The following RPS6KC1 variants were observed in gnomAD, a reference collection of about 807,000 sequenced individuals.
The protein encoded by RPS6KC1 is ribosomal protein S6 kinase C1, also known as inactive ribosomal protein S6 kinase delta-1.
In RPS6KC1, 54 loss-of-function variants were observed where a neutral mutation model predicts 103.8. The ratio of observed to expected loss-of-function variants is 0.52; its 90% CI spans 0.42 to 0.65. RPS6KC1 has a LOEUF of 0.65. Among genes scored for constraint, RPS6KC1 ranks in the 30% least tolerant of loss-of-function variants. The probability of loss-of-function intolerance (pLI) is 0.00; values close to 1 mark genes in which losing one functional copy is unlikely to be tolerated. For synonymous variants in RPS6KC1, 439 were observed against 438.7 expected (o/e 1.00, Z -0.01); for missense variants, 1,151 against 1,253.8 (o/e 0.92, Z 1.24).
chr1:213,268,196 A>G (rs2094955798), intron 14 of RPS6KC1, among the ~76,000 whole-genome samples: 1 of 151,986 alleles, frequency 6.6e-6, no homozygotes, highest in East Asian at 1.9e-4. Context: ...GTAAAAGGAA[A>G]ATAACTTACA....
In RPS6KC1 at chr1:213,184,039, C is replaced by T. The variant is rs183436000; in HGVS notation, c.1044+7547C>T. Among the ~76,000 whole-genome samples the T allele has an allele frequency of 7.2e-5, 11 of 152,126 alleles. No individual in the cohort carries two copies. The East Asian group carries it at 1.5e-3, about 21-fold the overall frequency. ...GAATGGACCAATTCATAGAAAAGTA[C>T]GAATTACCACCCAAAATAAATAGAT... On this transcript the variant is annotated intron_variant, in intron 8 of 14. Coordinates refer to ENST00000366960, the MANE Select transcript of RPS6KC1 (RefSeq NM_012424.6).
the RPS6KC1 span, among the ~76,000 whole-genome samples, chr1:213,371,931 A>T: frequency 0.14 from 20,692 of 152,186 alleles, 1,519 homozygotes; most frequent in Middle Eastern, 0.21. Context: ...GAGGGTCTTC[A>T]TGAACATACT....
intron 6 of RPS6KC1, among the ~76,000 whole-genome samples, chr1:213,146,616 G>A (rs995286428): frequency 2.0e-5 from 3 of 151,752 alleles, no homozygotes; most frequent in East Asian, 1.9e-4. Flanking sequence ...TAGTAGAGAC[G>A]GGGTTTCTCT....
chr1:213,545,411 T>TA, the RPS6KC1 span, among the ~76,000 whole-genome samples: 156 of 75,252 alleles, frequency 2.1e-3, 1 homozygote, highest in Middle Eastern at 6.9e-3. Flanking sequence ...AATAAATAAA[T>TA]AAATAAAATA....
chr1:213,389,397 C>T, the RPS6KC1 span, among the ~76,000 whole-genome samples: 5 of 152,346 alleles, frequency 3.3e-5, no homozygotes, highest in East Asian at 1.9e-4. Flanking sequence ...GAGGAGGCAG[C>T]GCGGGCAGGC....
chr1:213,291,402 G>A, the RPS6KC1 span, among the ~76,000 whole-genome samples: 3 of 152,128 alleles, frequency 2.0e-5, no homozygotes, highest in South Asian at 2.1e-4. Flanking sequence ...CAGCAACTTC[G>A]CTAACTTGAT....
chr1:213,257,786 C>CTTTTTTTTT (rs71147062), intron 12 of RPS6KC1, among the ~76,000 whole-genome samples: 3 of 49,426 alleles, frequency 6.1e-5, no homozygotes, highest in African/African-American at 1.6e-4. Context: ...ACAGGTAAAA[C>CTTTTTTTTT]TTTTTTTTTT....
intron 3 of RPS6KC1, among the ~76,000 whole-genome samples, chr1:213,103,231 CATTT>C (rs560099268): frequency 6.6e-6 from 1 of 150,904 alleles, no homozygotes; most frequent in Non-Finnish European, 1.5e-5. Context: ...CATTGTAAGA[CATTT>C]ATTTATTTAT....
At chr1:213,287,252 G>A in the RPS6KC1 span, among the ~76,000 whole-genome samples, 2 of 150,742 alleles carry the variant, frequency 1.3e-5, no homozygotes, top group East Asian at 1.9e-4. Context: ...GTGTGTGTGT[G>A]TGTGTGTGTG....
At chr1:213,830,918 T>A in the RPS6KC1 span, among the ~76,000 whole-genome samples, 1 of 152,172 alleles carries the variant, frequency 6.6e-6, no homozygotes, top group South Asian at 2.1e-4. Context: ...GACAGTGGGT[T>A]CTGCCAAATG....
At chr1:213,488,203 C>T in the RPS6KC1 span, among the ~76,000 whole-genome samples, 2 of 152,228 alleles carry the variant, frequency 1.3e-5, no homozygotes, top group East Asian at 1.9e-4. Context: ...CCATCATTCA[C>T]CATCCTTAGC....
intron 2 of RPS6KC1, among the ~76,000 whole-genome samples, chr1:213,071,613 T>C (rs536380259): frequency 3.3e-5 from 5 of 152,342 alleles, no homozygotes; most frequent in African/African-American, 1.2e-4. Flanking sequence ...AACTAGTGTT[T>C]ACAAGATTTC....
In RPS6KC1 at chr1:213,117,388, C is replaced by G. The variant is rs2083778311; in HGVS notation, c.450C>G (p.Thr150=). 1 of 1,606,450 alleles carries G rather than the reference C, an allele frequency of 6.2e-7. No homozygotes were observed. Among genetic ancestry groups the G allele is most frequent in the Non-Finnish European group, 8.5e-7 (1 of 1,173,816 alleles). ...AEAHSDSLID[T]FPECSTEGFS... ...CTCACTCAGATTCCCTCATTGATAC[C>G]TTTCCTGAGTGTAGTACGGAAGGTA... The change falls in exon 5 of 15, where the codon ACC becomes ACG. Residue 150 remains threonine (T), a synonymous_variant. Transcript: ENST00000366960.
the RPS6KC1 span, among the ~76,000 whole-genome samples, chr1:213,480,917 A>G: frequency 0.05 from 7,546 of 152,194 alleles, 606 homozygotes; most frequent in African/African-American, 0.16. Context: ...TAAACTATTC[A>G]TATGGGGTAT....
chr1:213,056,416 A>C (rs1045069748), intron 1 of RPS6KC1, among the ~76,000 whole-genome samples: 1 of 152,204 alleles, frequency 6.6e-6, no homozygotes, highest in African/African-American at 2.4e-5. Context: ...CTGTATTATA[A>C]AACATTTTTC....
At chr1:213,698,703 T>C in the RPS6KC1 span, among the ~76,000 whole-genome samples, 1 of 152,106 alleles carries the variant, frequency 6.6e-6, no homozygotes, top group African/African-American at 2.4e-5. Flanking sequence ...CCCCATTACA[T>C]CTTTCAATAT....
chr1:213,150,930 G>A (rs2088671980), intron 6 of RPS6KC1, among the ~76,000 whole-genome samples: 1 of 151,738 alleles, frequency 6.6e-6, no homozygotes, highest in Non-Finnish European at 1.5e-5. Flanking sequence ...GGGGCAGCTG[G>A]CCGGGCAGGG....
At chr1:213,672,205 A>G in the RPS6KC1 span, among the ~76,000 whole-genome samples, 1 of 152,086 alleles carries the variant, frequency 6.6e-6, no homozygotes, top group South Asian at 2.1e-4. Context: ...CTGGGAACAT[A>G]CTCAACACAT....
chr1:213,249,163 A>G (rs1237262797), intron 12 of RPS6KC1, among the ~76,000 whole-genome samples: 4 of 152,194 alleles, frequency 2.6e-5, no homozygotes, highest in Admixed American at 6.5e-5. Context: ...ACTTTTGTCA[A>G]CTATTCAGTA....
Sources: gnomAD v4.1 joint callset for allele counts (sites outside exome capture counted in the v4.1 genomes callset) on GRCh38, gnomAD v4.1.1 for gene constraint, MANE v1.5 for transcripts, NCBI Gene and HGNC (gene_info 2026-07-23, HGNC 2026-07-21) for gene names.